SLC44A1: variants seen among roughly 807,000 people sequenced by gnomAD.
SLC44A1 encodes the protein choline transporter-like protein 1.
SLC44A1 carries 26 observed loss-of-function variants against 79.3 expected under a neutral mutation model. The ratio of observed to expected loss-of-function variants is 0.33; its 90% CI spans 0.24 to 0.46. The LOEUF (loss-of-function observed/expected upper bound fraction) is 0.46, where lower values mean the gene tolerates loss of function less well. Ranked by LOEUF, SLC44A1 falls within the 20% of genes least tolerant of loss-of-function variation. SLC44A1 has a pLI of 1.00. For synonymous variants in SLC44A1, 263 were observed against 286.2 expected (o/e 0.92, Z 0.82); for missense variants, 688 against 798.1 (o/e 0.86, Z 1.66).
Position 105,394,239 on chromosome 9 carries a change from C to A in SLC44A1, c.*5183C>A. ...AGTGATTAGGCCTCCACTAGAGATA[C>A]TTTTGAGATGATGCTTACCACCTTC... is the stretch of plus-strand genomic sequence containing the variant. On this transcript the variant is annotated 3_prime_UTR_variant, in exon 16 of 16. Transcript: ENST00000374720. The A allele has an allele frequency of 1.0e-6, 1 of 985,348 alleles. No homozygotes were observed. Among genetic ancestry groups the A allele is most frequent in the Non-Finnish European group, 1.2e-6 (1 of 829,896 alleles). 61.0% of individuals were successfully genotyped at this position (985,348 alleles called of 1,614,324 possible).
chr9:105,256,611 G>A (rs1564399313), intron 1 of SLC44A1, among the ~76,000 whole-genome samples: 1 of 148,344 alleles, frequency 6.7e-6, no homozygotes, highest in Admixed American at 6.7e-5. Context: ...CACCCAGGTT[G>A]GAGTGCGGTG....
chr9:105,303,737 TGG>T (rs1564425509), intron 2 of SLC44A1, among the ~76,000 whole-genome samples: 1 of 152,172 alleles, frequency 6.6e-6, no homozygotes, highest in Non-Finnish European at 1.5e-5. Context: ...CTCTGTTGCC[TGG>T]AATTGAGGAC....
chr9:105,292,077 C>G (rs746338056), intron 1 of SLC44A1, among the ~76,000 whole-genome samples: 9 of 152,186 alleles, frequency 5.9e-5, no homozygotes, highest in Non-Finnish European at 8.8e-5. Flanking sequence ...TGCCCATATA[C>G]CACTTCTCTT....
chr9:105,421,742 G>A (rs184618184), intron 15 of SLC44A1, among the ~76,000 whole-genome samples: 19 of 151,886 alleles, frequency 1.3e-4, no homozygotes, highest in Admixed American at 3.3e-4. Flanking sequence ...TGCCTACCAC[G>A]GCGCCCGGCT....
chr9:105,258,198 G>T (rs1829755900), intron 1 of SLC44A1, among the ~76,000 whole-genome samples: 1 of 152,216 alleles, frequency 6.6e-6, no homozygotes, highest in African/African-American at 2.4e-5. Flanking sequence ...TTGAGATGGG[G>T]ACTAGTTTGT....
At chr9:105,371,193 G>A (rs1828086866) in intron 12 of SLC44A1, among the ~76,000 whole-genome samples, 1 of 152,154 alleles carries the variant, frequency 6.6e-6, no homozygotes, top group South Asian at 2.1e-4. Flanking sequence ...CCAGTAAGAG[G>A]GTGGGTTCCA....
chr9:105,387,060 A>AAAAAATATATATATAT (rs34780893), intron 15 of SLC44A1, among the ~76,000 whole-genome samples: 1 of 7,730 alleles, frequency 1.3e-4, no homozygotes, highest in African/African-American at 4.1e-4. Context: ...AAAAAAAAAA[A>AAAAAATATATATATAT]ATATATATAT....
rs542787449 is a variant in SLC44A1 at position 105,389,167 on chromosome 9, A to G, written c.*111A>G. ...TATATGTATATGTATGTGTGTATAT[A>G]TGTATATGTATATACACACACACAC... On this transcript the variant is annotated 3_prime_UTR_variant, in exon 16 of 16. Transcript: ENST00000374720. The G allele has an allele frequency of 1.4e-5, 21 of 1,476,900 alleles. No homozygotes were observed. The highest frequency in any genetic ancestry group is 1.9e-5 in the Non-Finnish European group (21 of 1,094,832). The allele number at this position is 1,476,900 out of a possible 1,614,324, so 91.5% of individuals were successfully genotyped here.
intron 1 of SLC44A1, among the ~76,000 whole-genome samples, chr9:105,292,862 T>A (rs1272790486): frequency 6.6e-6 from 1 of 152,182 alleles, no homozygotes; most frequent in Non-Finnish European, 1.5e-5. Context: ...ATTTGAAGAA[T>A]CAAAGAAATG....
chr9:105,274,171 C>G (rs138287590), intron 1 of SLC44A1, among the ~76,000 whole-genome samples: 1 of 152,224 alleles, frequency 6.6e-6, no homozygotes, highest in Non-Finnish European at 1.5e-5. Flanking sequence ...ACTAGATAAA[C>G]CACTAATTCG....
chr9:105,380,633 G>C (rs905226749), intron 13 of SLC44A1, among the ~76,000 whole-genome samples: 1 of 151,902 alleles, frequency 6.6e-6, no homozygotes, highest in African/African-American at 2.4e-5. Flanking sequence ...GTCTTATAAA[G>C]CATACGAAAG....
chr9:105,325,181 A>G (rs1202939007), intron 3 of SLC44A1, among the ~76,000 whole-genome samples: 1 of 152,258 alleles, frequency 6.6e-6, no homozygotes, highest in Non-Finnish European at 1.5e-5. Flanking sequence ...ATTAAAAGGA[A>G]TGAAGTGCTT....
At chr9:105,244,949 TGCGCC>T in intron 1 of SLC44A1, 45 bp downstream of exon 1, 1 of 1,072,440 alleles carries the variant, frequency 9.3e-7, no homozygotes, top group Non-Finnish European at 1.2e-6. Flanking sequence ...ATGCCTCCCG[TGCGCC>T]GCGTCGCGCG....
At chr9:105,288,752 A>C (rs1295609754) in intron 1 of SLC44A1, among the ~76,000 whole-genome samples, 1 of 152,246 alleles carries the variant, frequency 6.6e-6, no homozygotes, top group African/African-American at 2.4e-5. Flanking sequence ...TTTCTTAACC[A>C]ATGTTATCAG....
intron 3 of SLC44A1, among the ~76,000 whole-genome samples, chr9:105,319,635 A>T (rs1826323124): frequency 6.6e-6 from 1 of 152,090 alleles, no homozygotes; most frequent in African/African-American, 2.4e-5. Context: ...TAGTATGTGG[A>T]GTGGTCTACC....
In SLC44A1 at chr9:105,374,685, C is replaced by T; in HGVS notation, c.1582C>T (p.Arg528Ter). 1.2e-6 allele frequency: 2 copies of T among 1,612,968 alleles called. No homozygotes were observed. Among genetic ancestry groups the T allele is most frequent in the South Asian group, 1.1e-5 (1 of 91,030 alleles). ...TGTCATTCTGGTGGAGAATGCTTTG[C>T]GAGTGGCTACCATCAACACAGTAGG... ...AFVILVENAL[R>*]VATINTVGDF... The change falls in exon 13 of 16, where the codon CGA (arginine) becomes TGA (stop). Residue 528 changes from arginine to a stop codon, truncating the protein, a stop_gained. Coordinates refer to ENST00000374720, the MANE Select transcript of SLC44A1 (RefSeq NM_080546.5). LOFTEE classifies it high-confidence loss of function.
intron 1 of SLC44A1, among the ~76,000 whole-genome samples, chr9:105,247,752 A>G (rs544221976): frequency 6.6e-6 from 1 of 152,332 alleles, no homozygotes; most frequent in South Asian, 2.1e-4. Context: ...GCTCAGCAGT[A>G]GTCACTGGAG....
At chr9:105,372,954 A>G (rs1439416518) in intron 12 of SLC44A1, among the ~76,000 whole-genome samples, 2 of 151,798 alleles carry the variant, frequency 1.3e-5, no homozygotes, top group Non-Finnish European at 2.9e-5. Context: ...CGTCTCAAAA[A>G]AAAAAAAAAA....
At chr9:105,375,823 T>G (rs1828262016) in intron 13 of SLC44A1, among the ~76,000 whole-genome samples, 1 of 152,150 alleles carries the variant, frequency 6.6e-6, no homozygotes, top group South Asian at 2.1e-4. Flanking sequence ...CTCAGAAAAT[T>G]TTTTAAATTG....
Sources: gnomAD v4.1 joint callset for allele counts (sites outside exome capture counted in the v4.1 genomes callset) on GRCh38, gnomAD v4.1.1 for gene constraint, MANE v1.5 for transcripts, NCBI Gene and HGNC (gene_info 2026-07-23, HGNC 2026-07-21) for gene names.